PTPRO: variants seen among roughly 807,000 people sequenced by gnomAD.
PTPRO encodes protein tyrosine phosphatase receptor type O.
PTPRO carries 62 observed loss-of-function variants against 145.2 expected under a neutral mutation model. The observed-to-expected ratio is 0.43, with a 90% CI of 0.35 to 0.53. The LOEUF (loss-of-function observed/expected upper bound fraction) is 0.53, where lower values mean the gene tolerates loss of function less well. Among genes scored for constraint, PTPRO ranks in the 20% least tolerant of loss-of-function variants. The pLI, the probability that PTPRO is intolerant of heterozygous loss-of-function variation, is 0.01. For synonymous variants in PTPRO, 565 were observed against 514.7 expected (o/e 1.10, Z -1.32); for missense variants, 1,345 against 1,482.7 (o/e 0.91, Z 1.53).
intron 12 of PTPRO, among the ~76,000 whole-genome samples, chr12:15,537,938 G>A (rs993937584): frequency 1.3e-5 from 2 of 152,174 alleles, no homozygotes; most frequent in Non-Finnish European, 2.9e-5. Context: ...ATAGCCGCTT[G>A]TGGATGGTTT....
chr12:15,557,845 TA>T (rs1446976880), intron 16 of PTPRO, among the ~76,000 whole-genome samples: 1 of 152,182 alleles, frequency 6.6e-6, no homozygotes, highest in East Asian at 1.9e-4. Context: ...AAGTGGTGGC[TA>T]AAGGCACGAG....
rs11056491 is a variant in PTPRO, at chr12:15,441,093, A to G, written c.76-42881A>G. On this transcript the variant is annotated intron_variant, in intron 1 of 26. Transcript: ENST00000281171. ...TTATCTGCACATGGAACATACTCCA[A>G]GATTGACCACATGCTCTACCATAAA... 5.7e-3 allele frequency among the ~76,000 whole-genome samples: 875 copies of G among 152,340 alleles called. 53 individuals carry two copies. In the East Asian group the frequency reaches 0.14, roughly 24 times the overall value.
intron 19 of PTPRO, among the ~76,000 whole-genome samples, chr12:15,572,683 A>C (rs1591754981): frequency 6.6e-6 from 1 of 152,052 alleles, no homozygotes; most frequent in African/African-American, 2.4e-5. Flanking sequence ...GTTTGTACAG[A>C]AGTTGTGTAT....
chr12:15,558,079 C>T (rs4764207), intron 16 of PTPRO, among the ~76,000 whole-genome samples: 78 of 151,748 alleles, frequency 5.1e-4, no homozygotes, highest in African/African-American at 1.7e-3. Context: ...GGACTACAGG[C>T]GCGCACCACC....
At position 15,499,463 on chromosome 12, in the gene PTPRO, T is replaced by C. The variant is rs1329210110; in HGVS notation, c.530T>C (p.Val177Ala). 1.2e-6 allele frequency: 2 copies of C among 1,613,570 alleles called. No homozygotes were observed. Among genetic ancestry groups the C allele is most frequent in the Admixed American group, 1.7e-5 (1 of 60,016 alleles). ...ACAGATTTCTTTAAGGGAAAAACAG[T>C]ATTTAATCACTGGCTGCCAGGAATG... ...LYKDFFKGKTVFNHWLPGMCY... is the reference protein window; with the variant it reads ...LYKDFFKGKTAFNHWLPGMCY... Residue 177 changes from valine (V) to alanine (A), a missense_variant, in exon 4 of 27, where the codon GTA becomes GCA. Val to Ala is a moderately conservative substitution (Grantham distance 64). This residue lies in a region of PTPRO where 1,130 missense variants were observed against 1,214.7 expected (regional missense o/e 0.93). Coordinates refer to ENST00000281171, the MANE Select transcript of PTPRO (RefSeq NM_030667.3).
chr12:15,468,451 C>G (rs1941466490), intron 1 of PTPRO, among the ~76,000 whole-genome samples: 1 of 152,164 alleles, frequency 6.6e-6, no homozygotes, highest in Non-Finnish European at 1.5e-5. Context: ...CCACATTGTG[C>G]TTTCTCCAGC....
At chr12:15,464,054 C>G (rs1051818223) in intron 1 of PTPRO, among the ~76,000 whole-genome samples, 1 of 151,964 alleles carries the variant, frequency 6.6e-6, no homozygotes, top group African/African-American at 2.4e-5. Flanking sequence ...GCTAAAATCT[C>G]CCAGAAATTT....
chr12:15,361,062 T>C (rs1938191184), intron 1 of PTPRO, among the ~76,000 whole-genome samples: 1 of 151,498 alleles, frequency 6.6e-6, no homozygotes, highest in Non-Finnish European at 1.5e-5. Context: ...AGAGAAAATT[T>C]GTATATATTG....
intron 3 of PTPRO, among the ~76,000 whole-genome samples, chr12:15,499,143 C>T (rs1283813696): frequency 6.6e-6 from 1 of 152,120 alleles, no homozygotes; most frequent in African/African-American, 2.4e-5. Context: ...TTAACCTCTA[C>T]AATTTCTTTA....
chr12:15,340,304 A>G (rs1866931588), intron 1 of PTPRO, among the ~76,000 whole-genome samples: 1 of 152,216 alleles, frequency 6.6e-6, no homozygotes, highest in East Asian at 1.9e-4. Flanking sequence ...CACGGCTTGT[A>G]TTTCCCCTTT....
At chr12:15,504,126 TG>T (rs1942274694) in intron 6 of PTPRO, 57 bp downstream of exon 6, 1 of 1,518,822 alleles carries the variant, frequency 6.6e-7, no homozygotes, top group Non-Finnish European at 9.1e-7. Flanking sequence ...ATGGAACTGG[TG>T]GGATTAATGA....
intron 14 of PTPRO, among the ~76,000 whole-genome samples, chr12:15,549,780 G>A (rs1232279161): frequency 6.6e-6 from 1 of 152,156 alleles, no homozygotes; most frequent in Non-Finnish European, 1.5e-5. Flanking sequence ...GTCTGATTCT[G>A]CAACCTGAGA....
chr12:15,341,993 A>C (rs1867007632), intron 1 of PTPRO, among the ~76,000 whole-genome samples: 1 of 152,210 alleles, frequency 6.6e-6, no homozygotes, highest in African/African-American at 2.4e-5. Flanking sequence ...AATACATATT[A>C]TCTTATTAAA....
Position 15,501,649 on chromosome 12 carries a change from C to T in PTPRO, c.691C>T (p.Arg231Cys), listed in dbSNP as rs773532368. 8 of 1,613,690 alleles carry T rather than the reference C, an allele frequency of 5.0e-6. No homozygotes were observed. Among genetic ancestry groups the T allele is most frequent in the Admixed American group, 3.3e-5 (2 of 59,974 alleles). ...APYPPQNISVRIVNLNKNNWE... is the reference protein window; with the variant it reads ...APYPPQNISVCIVNLNKNNWE... ...TTATCCACCTCAAAATATTTCCGTT[C>T]GTATCGTAAACTTGAACAAAAACAA... Residue 231 changes from arginine (R) to cysteine (C), a missense_variant, in exon 5 of 27, where the codon CGT (arginine) becomes TGT (cysteine). By Grantham distance (180) the Arg-to-Cys change is radical (BLOSUM62 -3). Around this residue, in one of 3 missense-constraint regions of PTPRO, gnomAD observed 1,130 missense variants for 1,214.7 expected, o/e 0.93. Coordinates refer to ENST00000281171, the MANE Select transcript of PTPRO (RefSeq NM_030667.3).
In PTPRO at chr12:15,501,825, T is replaced by A. The variant is rs754047583; in HGVS notation, c.867T>A (p.Ser289Arg). 1.9e-6 allele frequency: 3 copies of A among 1,614,072 alleles called. No individual in the cohort carries two copies. The highest frequency in any genetic ancestry group is 2.5e-6 in the Non-Finnish European group (3 of 1,179,974). Reference protein sequence around the residue: ...ISSGWPDFNSSDYETTSQPYW... With the variant: ...ISSGWPDFNSRDYETTSQPYW... ...CCGGTTGGCCTGATTTTAATAGCAG[T>A]GACTATGAAACTACGTCTCAGCCAT... The change falls in exon 5 of 27, where the codon AGT (serine) becomes AGA (arginine). Residue 289 changes from serine (S) to arginine (R), a missense_variant. By Grantham distance (110) the Ser-to-Arg change is moderately radical. Transcript: ENST00000281171.
At chr12:15,491,430 T>C (rs1276986508) in intron 2 of PTPRO, among the ~76,000 whole-genome samples, 1 of 152,264 alleles carries the variant, frequency 6.6e-6, no homozygotes, top group African/African-American at 2.4e-5. Context: ...TTTGTATTTC[T>C]TGTCTCTTCT....
At chr12:15,347,142 G>C (rs1867248252) in intron 1 of PTPRO, among the ~76,000 whole-genome samples, 1 of 152,108 alleles carries the variant, frequency 6.6e-6, no homozygotes, top group African/African-American at 2.4e-5. Context: ...CTTTAAAAAT[G>C]GGAGGAGTAC....
At chr12:15,378,627 A>G (rs1224497806) in intron 1 of PTPRO, among the ~76,000 whole-genome samples, 1 of 152,144 alleles carries the variant, frequency 6.6e-6, no homozygotes, top group Non-Finnish European at 1.5e-5. Flanking sequence ...TGGGAGAAAT[A>G]AAACCAGTTC....
At chr12:15,328,356 T>C (rs1196912521) in intron 1 of PTPRO, among the ~76,000 whole-genome samples, 1 of 152,206 alleles carries the variant, frequency 6.6e-6, no homozygotes, top group East Asian at 1.9e-4. Flanking sequence ...AATTCCCGAA[T>C]GAAAGATTTC....
Sources: allele counts gnomAD v4.1 joint callset (sites outside exome capture counted in the v4.1 genomes callset), GRCh38; gene constraint gnomAD v4.1.1; regional missense constraint gnomAD v4.1.1; transcripts MANE v1.5; gene names NCBI Gene and HGNC (gene_info 2026-07-23, HGNC 2026-07-21).